PTPRD: variants seen among roughly 807,000 people sequenced by gnomAD.
PTPRD encodes the protein receptor-type tyrosine-protein phosphatase delta.
Under a neutral mutation model 214.5 loss-of-function variants are expected in PTPRD, and 34 were observed. The observed-to-expected ratio is 0.16, with a 90% confidence interval of 0.12 to 0.21. The LOEUF is 0.21. PTPRD is among the 10% of genes least tolerant of loss of function. PTPRD has a pLI of 1.00. For missense variants in PTPRD, 2,545 were observed against 2,398.7 expected (o/e 1.06, Z -1.27); for synonymous variants, 1,128 against 845.7 (o/e 1.33, Z -5.79).
At chr9:9,509,976 C>T (rs1212550386) in intron 8 of PTPRD, among the ~76,000 whole-genome samples, 1 of 151,462 alleles carries the variant, frequency 6.6e-6, no homozygotes, top group African/African-American at 2.4e-5. Flanking sequence ...AACAAGAGGC[C>T]ACAAAGCAAG....
At chr9:9,393,333 A>G (rs190011487) in intron 9 of PTPRD, among the ~76,000 whole-genome samples, 529 of 152,264 alleles carry the variant, frequency 3.5e-3, no homozygotes, top group Non-Finnish European at 5.1e-3. Context: ...GGCACTTGCA[A>G]TGGGGATTCT....
chr9:8,726,114 T>C lies in PTPRD; in HGVS notation c.64+7666A>G, dbSNP rs2098554584. 2.0e-5 allele frequency among the ~76,000 whole-genome samples: 3 copies of C among 151,682 alleles called. No individual in the cohort carries two copies. The South Asian group carries it at 6.2e-4, about 32-fold the overall frequency. On this transcript the variant is annotated intron_variant, in intron 12 of 45. Coordinates refer to ENST00000381196, the MANE Select transcript of PTPRD (RefSeq NM_002839.4). ...CTAAAGCAAACTGAAGAAAAAAGAA[T>C]ATACTAAATTTTAGGTTAAAGAATT...
intron 5 of PTPRD, among the ~76,000 whole-genome samples, chr9:9,778,640 T>C (rs1476010766): frequency 1.3e-5 from 2 of 152,042 alleles, no homozygotes; most frequent in Admixed American, 6.5e-5. Context: ...GCATAGCCAC[T>C]CTGCAGGAAC....
At chr9:10,334,081 G>T (rs2096799199) in intron 3 of PTPRD, among the ~76,000 whole-genome samples, 1 of 151,626 alleles carries the variant, frequency 6.6e-6, no homozygotes, top group African/African-American at 2.4e-5. Flanking sequence ...AAAATATTAT[G>T]ATATCAATGA....
At chr9:10,295,564 T>C (rs1378818345) in intron 3 of PTPRD, among the ~76,000 whole-genome samples, 3 of 152,088 alleles carry the variant, frequency 2.0e-5, no homozygotes, top group Admixed American at 6.6e-5. Flanking sequence ...AGCATTCACA[T>C]ACTTTTATTA....
At chr9:9,128,320 C>G (rs1244390776) in intron 10 of PTPRD, among the ~76,000 whole-genome samples, 1 of 152,114 alleles carries the variant, frequency 6.6e-6, no homozygotes, top group Non-Finnish European at 1.5e-5. Flanking sequence ...CATACATTTG[C>G]GCACAGAAAC....
At chr9:9,223,014 A>C (rs1041866365) in intron 9 of PTPRD, among the ~76,000 whole-genome samples, 3 of 152,038 alleles carry the variant, frequency 2.0e-5, no homozygotes, top group South Asian at 2.1e-4. Flanking sequence ...TACTGTAACT[A>C]TATTTTTGGT....
intron 2 of PTPRD, among the ~76,000 whole-genome samples, chr9:10,586,401 A>C (rs181006173): frequency 1.3e-5 from 2 of 152,168 alleles, no homozygotes; most frequent in Admixed American, 1.3e-4. Context: ...TCAGCTCAAT[A>C]AAAAAGTGAA....
At chr9:9,101,354 G>A (rs1366466995) in intron 10 of PTPRD, among the ~76,000 whole-genome samples, 1 of 152,124 alleles carries the variant, frequency 6.6e-6, no homozygotes, top group East Asian at 1.9e-4. Flanking sequence ...ATTATAGACA[G>A]ATGATGTTCT....
chr9:8,441,673 G>T (rs2132906058), intron 34 of PTPRD, among the ~76,000 whole-genome samples: 1 of 152,160 alleles, frequency 6.6e-6, no homozygotes, highest in Non-Finnish European at 1.5e-5. Flanking sequence ...TTGTGCTGGG[G>T]ATATAAAGAA....
Position 9,386,769 on chromosome 9 carries a change from A to G in PTPRD, c.-203+10680T>C, listed in dbSNP as rs184791738. On this transcript the variant is annotated intron_variant, in intron 9 of 45. Coordinates refer to ENST00000381196, the MANE Select transcript of PTPRD (RefSeq NM_002839.4). Reference sequence around the variant, plus strand: ...ACCCTCTGGATGGGGAAAAAAAGATAATAAAGGCAAGGAGTAGGTTATAGT... The same window carrying G: ...ACCCTCTGGATGGGGAAAAAAAGATGATAAAGGCAAGGAGTAGGTTATAGT... 2.6e-5 allele frequency among the ~76,000 whole-genome samples: 4 copies of G among 152,192 alleles called. No homozygotes were observed. The East Asian group carries it at 7.8e-4, about 29-fold the overall frequency.
intron 10 of PTPRD, among the ~76,000 whole-genome samples, chr9:9,154,976 A>C (rs2099879985): frequency 5.3e-5 from 8 of 152,220 alleles, no homozygotes. Flanking sequence ...GTCTGGTTGC[A>C]TTATGAGATT....
chr9:9,353,680 C>G (rs1455859910), intron 9 of PTPRD, among the ~76,000 whole-genome samples: 3 of 151,156 alleles, frequency 2.0e-5, no homozygotes, highest in Non-Finnish European at 4.4e-5. Context: ...GCATGAGCAT[C>G]AAGTATTTTA....
chr9:8,395,906 GA>G lies in PTPRD; in HGVS notation c.4211-6500del, dbSNP rs372027407. Among the ~76,000 whole-genome samples the G allele has an allele frequency of 3.4e-3, 519 of 152,170 alleles. 4 individuals carry two copies. The highest frequency in any genetic ancestry group is 5.6e-3 in the Non-Finnish European group (384 of 68,002). On this transcript the variant is annotated intron_variant, in intron 36 of 45. Transcript: ENST00000381196. ...TGGGGAATTACCAGCACCTGTGATA[GA>G]GGGGCGTGCTTTTTGGTTAGACAGC...
Position 9,652,418 on chromosome 9 carries a change from G to A in PTPRD, c.-286-77637C>T, listed in dbSNP as rs531554867. 2.4e-4 allele frequency among the ~76,000 whole-genome samples: 36 copies of A among 152,214 alleles called. 1 individual carries two copies. The South Asian group carries it at 6.2e-3, about 26-fold the overall frequency. ...AACCTTATCTCCTACATAATGAAAC[G>A]TAGGAACTTGTAGTTGGGGAAGGTA... On this transcript the variant is annotated intron_variant, in intron 7 of 45. Coordinates refer to ENST00000381196, the MANE Select transcript of PTPRD (RefSeq NM_002839.4).
intron 14 of PTPRD, among the ~76,000 whole-genome samples, chr9:8,594,981 G>A (rs1450932325): frequency 6.7e-6 from 1 of 148,834 alleles, no homozygotes; most frequent in African/African-American, 2.5e-5. Context: ...TCCTGCCTCA[G>A]ACTCCTGAGT....
intron 5 of PTPRD, among the ~76,000 whole-genome samples, chr9:9,839,606 T>A (rs1258873040): frequency 6.6e-6 from 1 of 151,988 alleles, no homozygotes; most frequent in Non-Finnish European, 1.5e-5. Flanking sequence ...AGAATCAATA[T>A]CGTGAAAATG....
intron 9 of PTPRD, among the ~76,000 whole-genome samples, chr9:9,394,827 G>A (rs1420165227): frequency 1.3e-5 from 2 of 151,988 alleles, no homozygotes; most frequent in African/African-American, 2.4e-5. Flanking sequence ...AAAATCATCT[G>A]GGATGATTAT....
chr9:9,979,722 G>A (rs1434430321), intron 4 of PTPRD, among the ~76,000 whole-genome samples: 1 of 152,096 alleles, frequency 6.6e-6, no homozygotes, highest in Non-Finnish European at 1.5e-5. Flanking sequence ...TCTGACTAAA[G>A]ATTGCAACGA....
Sources: gnomAD v4.1 joint callset for allele counts (sites outside exome capture counted in the v4.1 genomes callset) on GRCh38, gnomAD v4.1.1 for gene constraint, MANE v1.5 for transcripts, NCBI Gene and HGNC (gene_info 2026-07-23, HGNC 2026-07-21) for gene names.